Variants in SPATA9 observed in about 807,000 individuals in gnomAD.
The protein encoded by SPATA9 is spermatogenesis associated 9.
Under a neutral mutation model 25.5 loss-of-function variants are expected in SPATA9, and 27 were observed. The observed-to-expected ratio is 1.06, with a 90% confidence interval of 0.78 to 1.46. SPATA9 has a LOEUF of 1.46. SPATA9 is among the 40% of genes most tolerant of loss of function. The pLI, the probability that SPATA9 is intolerant of heterozygous loss-of-function variation, is 0.00. For synonymous variants in SPATA9, 102 were observed against 105.7 expected, an observed-to-expected ratio of 0.97 and a Z score of 0.21; for missense variants, 282 against 297.5, an observed-to-expected ratio of 0.95 and a Z score of 0.38.
chr5:95,731,784 G>A, the SPATA9 span: 2 of 1,602,740 alleles, frequency 1.2e-6, no homozygotes, highest in Non-Finnish European at 1.7e-6. Context: ...GCTGTCCCCC[G>A]CACTTCCTGT....
chr5:95,692,098 C>A (rs1199072723), intron 1 of SPATA9, among the ~76,000 whole-genome samples: 1 of 152,074 alleles, frequency 6.6e-6, no homozygotes, highest in Non-Finnish European at 1.5e-5. Context: ...ATTTTTGCCA[C>A]TATATTCATA....
chr5:95,730,273 C>T, the SPATA9 span, among the ~76,000 whole-genome samples: 1 of 152,150 alleles, frequency 6.6e-6, no homozygotes, highest in Admixed American at 6.5e-5. Context: ...AGAAAAGAAA[C>T]AGTCCAATTT....
the SPATA9 span, among the ~76,000 whole-genome samples, chr5:95,730,276 T>C: frequency 2.1e-3 from 318 of 152,182 alleles, 2 homozygotes; most frequent in African/African-American, 7.3e-3. Flanking sequence ...AAAGAAACAG[T>C]CCAATTTTAC....
intron 1 of SPATA9, among the ~76,000 whole-genome samples, chr5:95,695,617 A>C (rs988796143): frequency 4.6e-5 from 7 of 152,102 alleles, no homozygotes; most frequent in African/African-American, 1.7e-4. Flanking sequence ...CAAACAAACA[A>C]ACACATTTAC....
At chr5:95,658,229 A>G (rs1750897228), downstream of SPATA9, 1 of 154,056 alleles carries the variant, frequency 6.5e-6, no homozygotes, top group Admixed American at 6.5e-5. Context: ...GCATATAAAA[A>G]ATAAATATTC....
chr5:95,709,636 T>G, the SPATA9 span, among the ~76,000 whole-genome samples: 1 of 152,286 alleles, frequency 6.6e-6, no homozygotes, highest in African/African-American at 2.4e-5. Flanking sequence ...AGGGATGATT[T>G]CATTAAATAA....
the SPATA9 span, among the ~76,000 whole-genome samples, chr5:95,704,445 AG>A: frequency 6.6e-6 from 1 of 152,162 alleles, no homozygotes; most frequent in Non-Finnish European, 1.5e-5. Flanking sequence ...AGTTGATAGG[AG>A]GTAGTAATTT....
chr5:95,653,000 A>G, exon 9 of SPATA9: 1 of 1,386,250 alleles, frequency 7.2e-7, no homozygotes, highest in Non-Finnish European at 9.7e-7. Flanking sequence ...CATACACAGC[A>G]CTGCACAACC....
At chr5:95,731,700 C>G in the SPATA9 span, 1 of 1,613,182 alleles carries the variant, frequency 6.2e-7, no homozygotes, top group Non-Finnish European at 8.5e-7. Flanking sequence ...TACGCGCCGC[C>G]GTCCTGCCAT....
the SPATA9 span, chr5:95,731,711 T>C: frequency 6.2e-7 from 1 of 1,613,232 alleles, no homozygotes; most frequent in South Asian, 1.1e-5. Context: ...GTCCTGCCAT[T>C]GTCTCTCTCC....
At chr5:95,702,457 T>C (rs1036844578), upstream of SPATA9, among the ~76,000 whole-genome samples, 3 of 152,336 alleles carry the variant, frequency 2.0e-5, no homozygotes, top group African/African-American at 4.8e-5. Flanking sequence ...ATCAAGCGAC[T>C]TTACTCTACC....
intron 2 of SPATA9, 74 bp from the exon 3 acceptor site, chr5:95,675,713 C>A: frequency 8.2e-7 from 1 of 1,219,734 alleles, no homozygotes; most frequent in Non-Finnish European, 1.2e-6. Context: ...CCGGCAGAGA[C>A]TGACTACTAT....
chr5:95,660,466 T>C (rs182212822), intron 4 of SPATA9, among the ~76,000 whole-genome samples: 1 of 152,302 alleles, frequency 6.6e-6, no homozygotes, highest in East Asian at 1.9e-4. Context: ...TCCCAACTTA[T>C]AATTAAGATA....
At chr5:95,731,537 G>A in the SPATA9 span, 1 of 1,409,598 alleles carries the variant, frequency 7.1e-7, no homozygotes, top group East Asian at 3.0e-5. Context: ...GCCCCGCTCT[G>A]CGTCGGCCCC....
the SPATA9 span, among the ~76,000 whole-genome samples, chr5:95,729,415 C>T: frequency 6.6e-6 from 1 of 152,156 alleles, no homozygotes; most frequent in Non-Finnish European, 1.5e-5. Flanking sequence ...TCTGACACTT[C>T]CAAGTTGTCA....
the SPATA9 span, chr5:95,731,111 G>A: frequency 4.6e-6 from 5 of 1,087,722 alleles, no homozygotes; most frequent in East Asian, 8.6e-5. Flanking sequence ...TCGGGCTGGG[G>A]CGTTGTATTT....
At chr5:95,731,307 C>A in the SPATA9 span, 3 of 1,053,282 alleles carry the variant, frequency 2.8e-6, no homozygotes, top group African/African-American at 5.1e-5. Flanking sequence ...CCCTTCTCTG[C>A]TTAGAGGAGG....
chr5:95,710,496 T>G, the SPATA9 span, among the ~76,000 whole-genome samples: 1 of 152,208 alleles, frequency 6.6e-6, no homozygotes, highest in Admixed American at 6.5e-5. Context: ...CTGCTACTGC[T>G]CGCAGGCAAC....
the SPATA9 span, among the ~76,000 whole-genome samples, chr5:95,721,494 T>C: frequency 6.6e-6 from 1 of 152,154 alleles, no homozygotes; most frequent in African/African-American, 2.4e-5. Context: ...GCAGGGGGTT[T>C]GGATCTGGCT....
Sources: allele counts gnomAD v4.1 joint callset (sites outside exome capture counted in the v4.1 genomes callset), GRCh38; gene constraint gnomAD v4.1.1; transcripts MANE v1.5; gene names NCBI Gene and HGNC (gene_info 2026-07-23, HGNC 2026-07-21).